Variants in FAF1 observed in about 807,000 individuals in gnomAD.
FAF1 encodes FAS-associated factor 1.
FAF1 carries 25 observed loss-of-function variants against 92.5 expected under a neutral mutation model. The observed-to-expected ratio is 0.27, with a 90% CI of 0.20 to 0.38. The LOEUF is 0.38. FAF1 is among the 10% of genes least tolerant of loss of function. The pLI is 1.00. For synonymous variants in FAF1, 234 were observed against 273.2 expected, an observed-to-expected ratio of 0.86 and a Z score of 1.42; for missense variants, 636 against 793.3, an observed-to-expected ratio of 0.80 and a Z score of 2.38.
At chr1:50,637,856 C>G (rs1469383527) in intron 8 of FAF1, among the ~76,000 whole-genome samples, 1 of 151,116 alleles carries the variant, frequency 6.6e-6, no homozygotes. Context: ...ATATTTTCCC[C>G]AAGTTTAATA....
At chr1:50,497,961 A>G (rs1305729714) in intron 15 of FAF1, among the ~76,000 whole-genome samples, 2 of 152,164 alleles carry the variant, frequency 1.3e-5, no homozygotes, top group East Asian at 1.9e-4. Context: ...AATCAAAACA[A>G]TCTTCAAAAG....
intron 1 of FAF1, among the ~76,000 whole-genome samples, chr1:50,859,032 C>T (rs1644412206): frequency 6.6e-6 from 1 of 151,882 alleles, no homozygotes; most frequent in East Asian, 1.9e-4. Context: ...ACCACACAAT[C>T]ATCTCAATAG....
chr1:50,705,939 T>C, intron 6 of FAF1, 48 bp from the exon 7 acceptor site: 2 of 1,181,468 alleles, frequency 1.7e-6, no homozygotes, highest in South Asian at 1.2e-5. Context: ...GAACAAGTTC[T>C]AGCTTGCTTT....
rs140822830 is a variant in FAF1 at position 50,758,440 on chromosome 1, A to G, written c.368-13665T>C. Among the ~76,000 whole-genome samples, 21 of 152,348 alleles carry G rather than the reference A, an allele frequency of 1.4e-4. No individual in the cohort carries two copies. In the East Asian group the frequency reaches 3.5e-3, roughly 25 times the overall value. On this transcript the variant is annotated intron_variant, in intron 4 of 18. Transcript: ENST00000396153. The stretch of plus-strand genomic sequence containing the variant: ...CAGAATACTTCTAGTTCCCTTTCCT[A>G]TTCTTCATGTTATTGTTGTCATACC...
intron 8 of FAF1, among the ~76,000 whole-genome samples, chr1:50,646,562 A>G (rs1460782661): frequency 6.6e-6 from 1 of 152,224 alleles, no homozygotes; most frequent in African/African-American, 2.4e-5. Flanking sequence ...CTTATAATTT[A>G]CAAAAGGAGG....
At chr1:50,443,137 G>A (rs1646189229) in intron 18 of FAF1, among the ~76,000 whole-genome samples, 1 of 152,150 alleles carries the variant, frequency 6.6e-6, no homozygotes, top group Admixed American at 6.5e-5. Flanking sequence ...TAATTAACAT[G>A]CCAGAGCTCT....
chr1:50,592,590 G>T (rs1260877553), intron 9 of FAF1, among the ~76,000 whole-genome samples: 2 of 152,190 alleles, frequency 1.3e-5, no homozygotes, highest in East Asian at 3.8e-4. Flanking sequence ...TCTAAAACTT[G>T]AATTTAACTG....
At chr1:50,502,225 G>C (rs1298466851) in intron 15 of FAF1, among the ~76,000 whole-genome samples, 1 of 152,174 alleles carries the variant, frequency 6.6e-6, no homozygotes, top group Non-Finnish European at 1.5e-5. Context: ...CTCAAAGGAA[G>C]AGTGTGCTTA....
chr1:50,648,479 A>G (rs766839098), intron 8 of FAF1, among the ~76,000 whole-genome samples: 1 of 152,214 alleles, frequency 6.6e-6, no homozygotes, highest in Non-Finnish European at 1.5e-5. Flanking sequence ...TCAAGTATTT[A>G]CTCAGAGCCT....
chr1:50,786,776 T>C (rs1661379945), intron 4 of FAF1, among the ~76,000 whole-genome samples: 1 of 152,156 alleles, frequency 6.6e-6, no homozygotes, highest in African/African-American at 2.4e-5. Flanking sequence ...AGAGTGGTGA[T>C]AGATGAAACT....
chr1:50,762,909 A>G (rs551116614), intron 4 of FAF1, among the ~76,000 whole-genome samples: 2 of 152,190 alleles, frequency 1.3e-5, no homozygotes, highest in Non-Finnish European at 2.9e-5. Flanking sequence ...GGCAACCTAC[A>G]AAATGGGAGA....
At chr1:50,851,345 C>A (rs1160472300) in intron 2 of FAF1, among the ~76,000 whole-genome samples, 4 of 152,114 alleles carry the variant, frequency 2.6e-5, no homozygotes, top group Non-Finnish European at 5.9e-5. Context: ...AGTGCTGGGC[C>A]TATAGGCGTG....
At chr1:50,466,331 AT>A (rs1646495445) in intron 18 of FAF1, among the ~76,000 whole-genome samples, 1 of 152,188 alleles carries the variant, frequency 6.6e-6, no homozygotes, top group African/African-American at 2.4e-5. Context: ...AAGGAAGACT[AT>A]GGGAGGAGCA....
At chr1:50,932,185 T>C (rs1645053827) in intron 1 of FAF1, among the ~76,000 whole-genome samples, 1 of 152,020 alleles carries the variant, frequency 6.6e-6, no homozygotes, top group South Asian at 2.1e-4. Context: ...TCCTCACATG[T>C]CAAAACCAAT....
rs561569702 is a variant in FAF1, at chr1:50,702,955, G to T, written c.657+2831C>A. Among the ~76,000 whole-genome samples, 4 of 151,730 alleles carry T rather than the reference G, an allele frequency of 2.6e-5. No individual in the cohort carries two copies. In the South Asian group the frequency reaches 8.3e-4, roughly 32 times the overall value. On this transcript the variant is annotated intron_variant, in intron 7 of 18. Coordinates refer to ENST00000396153, the MANE Select transcript of FAF1 (RefSeq NM_007051.3). ...TCATTTAATAGAAATTTCCCTCTGG[G>T]TGAAAAATAGTGCAAAGTTTTCTTT...
Position 50,522,151 on chromosome 1 carries a change from G to A in FAF1, c.1494+13218C>T, listed in dbSNP as rs542159108. Among the ~76,000 whole-genome samples the A allele has an allele frequency of 1.7e-4, 26 of 152,196 alleles. No individual in the cohort carries two copies. In the East Asian group the frequency reaches 3.5e-3, roughly 20 times the overall value. ...CTAATCTAGTGAATATAATATTTGC[G>A]AATATGGCAATGTCTCATCTGCTCT... On this transcript the variant is annotated intron_variant, in intron 15 of 18. Transcript: ENST00000396153.
At chr1:50,864,505 G>A (rs1267735404) in intron 1 of FAF1, among the ~76,000 whole-genome samples, 2 of 151,958 alleles carry the variant, frequency 1.3e-5, no homozygotes, top group Non-Finnish European at 2.9e-5. Flanking sequence ...TAGATCAATG[G>A]AACAGAACAG....
intron 17 of FAF1, among the ~76,000 whole-genome samples, chr1:50,480,787 A>G (rs937620182): frequency 1.3e-5 from 2 of 152,218 alleles, no homozygotes; most frequent in South Asian, 2.1e-4. Context: ...TACTCCTTCT[A>G]CGTATTTTTT....
chr1:50,721,437 T>A (rs1432096450), intron 6 of FAF1, among the ~76,000 whole-genome samples: 1 of 151,938 alleles, frequency 6.6e-6, no homozygotes, highest in Non-Finnish European at 1.5e-5. Flanking sequence ...ATGATCTCGA[T>A]CTCACGACCT....
Sources: allele counts gnomAD v4.1 joint callset (sites outside exome capture counted in the v4.1 genomes callset), GRCh38; gene constraint gnomAD v4.1.1; transcripts MANE v1.5; gene names NCBI Gene and HGNC (gene_info 2026-07-23, HGNC 2026-07-21).